The following ATXN1 variants were observed in gnomAD, a reference collection of about 807,000 sequenced individuals.
ATXN1 encodes the protein ataxin 1, also known as ataxin-1.
In ATXN1, 8 loss-of-function variants were observed where a neutral mutation model predicts 56.4. That is an observed-to-expected ratio of 0.14 (90% CI 0.08 to 0.26). The LOEUF (loss-of-function observed/expected upper bound fraction) is 0.26, where lower values mean the gene tolerates loss of function less well. Ranked by LOEUF, ATXN1 falls within the 10% of genes least tolerant of loss-of-function variation. The pLI is 1.00. For synonymous variants in ATXN1, 514 were observed against 494.6 expected (o/e 1.04, Z -0.52); for missense variants, 987 against 1,106.5 (o/e 0.89, Z 1.53).
intron 4 of ATXN1, among the ~76,000 whole-genome samples, chr6:16,523,623 C>T (rs904338611): frequency 1.3e-5 from 2 of 152,130 alleles, no homozygotes; most frequent in African/African-American, 4.8e-5. Context: ...TTGCTCTTTC[C>T]CAAAATGGTA....
chr6:16,337,259 TG>T (rs1014005961), intron 6 of ATXN1, among the ~76,000 whole-genome samples: 6 of 152,240 alleles, frequency 3.9e-5, no homozygotes, highest in African/African-American at 1.2e-4. Context: ...ATGACAGTTC[TG>T]GGGGTGCAGT....
intron 6 of ATXN1, among the ~76,000 whole-genome samples, chr6:16,387,580 TG>T (rs1561876385): frequency 6.6e-6 from 1 of 152,114 alleles, no homozygotes; most frequent in Non-Finnish European, 1.5e-5. Flanking sequence ...GAAACATTGT[TG>T]GGATGAGTAG....
At chr6:16,724,067 C>T (rs1205766210) in intron 2 of ATXN1, among the ~76,000 whole-genome samples, 1 of 152,170 alleles carries the variant, frequency 6.6e-6, no homozygotes, top group African/African-American at 2.4e-5. Flanking sequence ...CTGTGTGTGA[C>T]TCACATGCCT....
intron 6 of ATXN1, among the ~76,000 whole-genome samples, chr6:16,423,214 A>G (rs997645535): frequency 2.6e-5 from 4 of 152,182 alleles, no homozygotes; most frequent in African/African-American, 9.7e-5. Flanking sequence ...ATTTTGCATC[A>G]GGCTGTTTTT....
Position 16,550,756 on chromosome 6 carries a change from C to A in ATXN1, c.-360-28068G>T, listed in dbSNP as rs1030359025. Among the ~76,000 whole-genome samples the A allele has an allele frequency of 2.0e-5, 3 of 152,302 alleles. No individual in the cohort carries two copies. In the East Asian group the frequency reaches 5.8e-4, roughly 29 times the overall value. ...ATTTTTTGCAACATATAGTATGACACAGTCTGTATTAGATTATCAAAAAGG... is the reference window on the plus strand; with the variant it reads ...ATTTTTTGCAACATATAGTATGACAAAGTCTGTATTAGATTATCAAAAAGG... On this transcript the variant is annotated intron_variant, in intron 4 of 7. Transcript: ENST00000436367.
intron 2 of ATXN1, among the ~76,000 whole-genome samples, chr6:16,720,815 G>C (rs1247136208): frequency 6.6e-6 from 1 of 152,168 alleles, no homozygotes; most frequent in African/African-American, 2.4e-5. Flanking sequence ...GATAAAACAT[G>C]CTGTGTCTAT....
chr6:16,558,255 T>C (rs1762048876), intron 4 of ATXN1, among the ~76,000 whole-genome samples: 1 of 140,372 alleles, frequency 7.1e-6, no homozygotes, highest in Admixed American at 7.7e-5. Context: ...AAGCTGTGAC[T>C]GCACCACTGC....
chr6:16,414,366 G>C (rs1256988679), intron 6 of ATXN1, among the ~76,000 whole-genome samples: 5 of 152,244 alleles, frequency 3.3e-5, no homozygotes, highest in African/African-American at 1.2e-4. Flanking sequence ...ACCCATTTTG[G>C]TATGATTCTT....
chr6:16,330,280 T>C (rs2113419166), intron 6 of ATXN1, among the ~76,000 whole-genome samples: 1 of 152,300 alleles, frequency 6.6e-6, no homozygotes, highest in African/African-American at 2.4e-5. Flanking sequence ...CTTGTCCATG[T>C]TGGAGCAACA....
chr6:16,656,747 A>G (rs1402462962), intron 3 of ATXN1, among the ~76,000 whole-genome samples: 1 of 152,156 alleles, frequency 6.6e-6, no homozygotes, highest in African/African-American at 2.4e-5. Flanking sequence ...TGAGAAATGC[A>G]TTGTTAGGTG....
chr6:16,695,969 C>A (rs12200396), intron 2 of ATXN1, among the ~76,000 whole-genome samples: 11,774 of 150,852 alleles, frequency 0.078, 649 homozygotes, highest in Non-Finnish European at 0.11. Context: ...GTTTCTCTCT[C>A]TATATATACA....
intron 7 of ATXN1, among the ~76,000 whole-genome samples, chr6:16,317,685 C>G (rs61689184): frequency 6.6e-6 from 1 of 151,998 alleles, no homozygotes; most frequent in Non-Finnish European, 1.5e-5. Context: ...GATGCCCTGT[C>G]GCCAGCACCT....
chr6:16,364,089 G>A (rs1006870896), intron 6 of ATXN1, among the ~76,000 whole-genome samples: 2 of 152,138 alleles, frequency 1.3e-5, no homozygotes, highest in Non-Finnish European at 2.9e-5. Flanking sequence ...TTAAGTTCAA[G>A]AGCTGGAGTC....
chr6:16,660,338 A>G (rs1758290433), intron 2 of ATXN1, among the ~76,000 whole-genome samples: 1 of 152,242 alleles, frequency 6.6e-6, no homozygotes, highest in Non-Finnish European at 1.5e-5. Context: ...ATATGCCTGC[A>G]TATGTGAAAG....
At chr6:16,731,430 C>T (rs1014957082) in intron 2 of ATXN1, among the ~76,000 whole-genome samples, 5 of 136,738 alleles carry the variant, frequency 3.7e-5, no homozygotes, top group South Asian at 2.3e-4. Flanking sequence ...AGACAGATAA[C>T]GAGAGAGGCT....
At position 16,332,838 on chromosome 6, in the gene ATXN1, G is replaced by A. The variant is rs375568137; in HGVS notation, c.-160-4368C>T. On this transcript the variant is annotated intron_variant, in intron 6 of 7. Transcript: ENST00000436367. ...CCAGTGGTATAAGGCTTTGCTAGTC[G>A]AAGTGTGGTCCTCCGACCCGTGACA... 1.8e-4 allele frequency among the ~76,000 whole-genome samples: 28 copies of A among 152,238 alleles called. No individual in the cohort carries two copies. In the South Asian group the frequency reaches 3.7e-3, roughly 20 times the overall value.
intron 2 of ATXN1, among the ~76,000 whole-genome samples, chr6:16,736,271 G>A (rs1360351975): frequency 6.6e-6 from 1 of 152,178 alleles, no homozygotes; most frequent in Non-Finnish European, 1.5e-5. Context: ...TAAAGGAACT[G>A]ACAACTTTGG....
At chr6:16,580,884 A>AGATT (rs1226955964) in intron 4 of ATXN1, among the ~76,000 whole-genome samples, 1 of 152,204 alleles carries the variant, frequency 6.6e-6, no homozygotes, top group African/African-American at 2.4e-5. Context: ...GGCTATCTAC[A>AGATT]GATTGAAGGA....
At chr6:16,611,849 ATT>A (rs369870821) in intron 3 of ATXN1, among the ~76,000 whole-genome samples, 59 of 75,160 alleles carry the variant, frequency 7.8e-4, no homozygotes, top group African/African-American at 2.8e-3. Flanking sequence ...AGCAGATGAA[ATT>A]TTTTTTTTTT....
Sources: gnomAD v4.1 joint callset for allele counts (sites outside exome capture counted in the v4.1 genomes callset) on GRCh38, gnomAD v4.1.1 for gene constraint, MANE v1.5 for transcripts, NCBI Gene and HGNC (gene_info 2026-07-23, HGNC 2026-07-21) for gene names.